The following CNTN6 variants were observed in gnomAD, a reference collection of about 807,000 sequenced individuals.
The protein encoded by CNTN6 is contactin-6.
In CNTN6, 137 loss-of-function variants were observed where a neutral mutation model predicts 122.8. The observed-to-expected ratio is 1.12, with a 90% CI of 0.97 to 1.29. The LOEUF (loss-of-function observed/expected upper bound fraction) is 1.29, where lower values mean the gene tolerates loss of function less well. Among genes scored for constraint, CNTN6 ranks in the 50% most tolerant of loss-of-function variants. The pLI is 0.00. For missense variants in CNTN6, 1,634 were observed against 1,223.4 expected (o/e 1.34, Z -5.01); for synonymous variants, 570 against 426.0 (o/e 1.34, Z -4.16).
chr3:1,386,602 T>TAAGA (rs1235769000), intron 20 of CNTN6, among the ~76,000 whole-genome samples: 1 of 152,196 alleles, frequency 6.6e-6, no homozygotes, highest in Admixed American at 6.5e-5. Context: ...GTTGTTCCTG[T>TAAGA]AAGATGATTT....
intron 2 of CNTN6, among the ~76,000 whole-genome samples, chr3:1,216,402 G>T (rs551386706): frequency 2.0e-5 from 3 of 151,874 alleles, no homozygotes; most frequent in Admixed American, 6.6e-5. Flanking sequence ...GTTGTTTTTG[G>T]TTTTTTTCTT....
intron 9 of CNTN6, among the ~76,000 whole-genome samples, chr3:1,326,228 G>A (rs184608348): frequency 2.5e-4 from 38 of 151,906 alleles, no homozygotes; most frequent in South Asian, 2.3e-3. Context: ...CATCATCACC[G>A]TCATCATCGA....
intron 1 of CNTN6, among the ~76,000 whole-genome samples, chr3:1,124,733 C>T (rs541913644): frequency 1.3e-5 from 2 of 152,002 alleles, no homozygotes; most frequent in East Asian, 3.9e-4. Context: ...TCTTCACTCC[C>T]CAACATCATC....
chr3:1,236,041 C>T (rs1320178927), intron 4 of CNTN6, among the ~76,000 whole-genome samples: 3 of 152,090 alleles, frequency 2.0e-5, no homozygotes, highest in South Asian at 2.1e-4. Flanking sequence ...ACCCCCATCC[C>T]TCACAGCAGC....
At chr3:1,135,675 T>C (rs960166631) in intron 1 of CNTN6, among the ~76,000 whole-genome samples, 5 of 152,162 alleles carry the variant, frequency 3.3e-5, no homozygotes, top group Non-Finnish European at 2.9e-5. Context: ...GTCAGAAAAT[T>C]CACATTGCTA....
At chr3:1,256,976 G>T (rs370280491) in intron 4 of CNTN6, among the ~76,000 whole-genome samples, 15 of 152,158 alleles carry the variant, frequency 9.9e-5, no homozygotes, top group South Asian at 4.1e-4. Context: ...TTGAAAAATG[G>T]TTATGCCAAA....
At chr3:1,269,229 A>G (rs2094981253) in intron 4 of CNTN6, among the ~76,000 whole-genome samples, 1 of 152,206 alleles carries the variant, frequency 6.6e-6, no homozygotes, top group Non-Finnish European at 1.5e-5. Flanking sequence ...CCCTAAATCA[A>G]TAGCTAGTGC....
At chr3:1,224,693 A>C (rs549417635) in intron 3 of CNTN6, among the ~76,000 whole-genome samples, 2 of 152,086 alleles carry the variant, frequency 1.3e-5, no homozygotes, top group South Asian at 4.1e-4. Flanking sequence ...ACACACACAA[A>C]CACACACATA....
At chr3:1,146,659 C>G (rs931527730) in intron 1 of CNTN6, among the ~76,000 whole-genome samples, 2 of 151,892 alleles carry the variant, frequency 1.3e-5, no homozygotes, top group African/African-American at 4.8e-5. Context: ...AACAGTGCCT[C>G]AAAGGTAGAA....
At chr3:1,186,277 A>T (rs1174977896) in intron 2 of CNTN6, among the ~76,000 whole-genome samples, 1 of 152,174 alleles carries the variant, frequency 6.6e-6, no homozygotes, top group Non-Finnish European at 1.5e-5. Flanking sequence ...AAAGAGATTC[A>T]TAGGTACATG....
intron 12 of CNTN6, among the ~76,000 whole-genome samples, chr3:1,360,654 T>A (rs1432692185): frequency 1.3e-5 from 2 of 151,984 alleles, no homozygotes; most frequent in East Asian, 3.9e-4. Context: ...GTACCTACCC[T>A]TTGTATCTCA....
chr3:1,168,785 T>G (rs550376152), intron 2 of CNTN6, among the ~76,000 whole-genome samples: 3 of 152,276 alleles, frequency 2.0e-5, no homozygotes, highest in African/African-American at 7.2e-5. Context: ...ACAGAGCAAT[T>G]TCTAGGCTTA....
At chr3:1,218,630 G>T (rs891881228) in intron 2 of CNTN6, among the ~76,000 whole-genome samples, 3 of 152,154 alleles carry the variant, frequency 2.0e-5, no homozygotes, top group African/African-American at 7.2e-5. Context: ...ATATGTCAAA[G>T]ATAATGGGCA....
At chr3:1,275,173 T>A (rs1187946988) in intron 4 of CNTN6, among the ~76,000 whole-genome samples, 1 of 152,176 alleles carries the variant, frequency 6.6e-6, no homozygotes, top group African/African-American at 2.4e-5. Context: ...TCCTGAATCG[T>A]CAGTCTCTTT....
intron 2 of CNTN6, among the ~76,000 whole-genome samples, chr3:1,155,086 A>G (rs942474653): frequency 3.3e-5 from 5 of 152,128 alleles, no homozygotes; most frequent in Non-Finnish European, 7.3e-5. Context: ...CTGGGTAAGT[A>G]GTAGCTTATC....
chr3:1,161,264 TA>T (rs1246192188), intron 2 of CNTN6, among the ~76,000 whole-genome samples: 1 of 101,662 alleles, frequency 9.8e-6, no homozygotes, highest in Non-Finnish European at 1.9e-5. Flanking sequence ...ATATATGATA[TA>T]TATATATATA....
chr3:1,099,508 T>C (rs912489484), intron 1 of CNTN6, among the ~76,000 whole-genome samples: 1 of 152,164 alleles, frequency 6.6e-6, no homozygotes, highest in African/African-American at 2.4e-5. Flanking sequence ...TATTTCACCT[T>C]ATGTGTTTTA....
At chr3:1,153,977 A>G (rs1247413604) in intron 2 of CNTN6, among the ~76,000 whole-genome samples, 2 of 152,236 alleles carry the variant, frequency 1.3e-5, no homozygotes, top group Admixed American at 6.5e-5. Context: ...TTAGCATAAT[A>G]GCACCTTTAA....
intron 12 of CNTN6, among the ~76,000 whole-genome samples, chr3:1,354,107 T>A (rs1269046750): frequency 6.6e-6 from 1 of 151,250 alleles, no homozygotes; most frequent in Non-Finnish European, 1.5e-5. Flanking sequence ...CACTAATAAC[T>A]GATGAAAGAA....
Sources: allele counts gnomAD v4.1 joint callset (sites outside exome capture counted in the v4.1 genomes callset), GRCh38; gene constraint gnomAD v4.1.1; transcripts MANE v1.5; gene names NCBI Gene and HGNC (gene_info 2026-07-23, HGNC 2026-07-21).